The following TSR1 variants were observed in gnomAD, a reference collection of about 807,000 sequenced individuals.
TSR1 encodes TSR1 ribosome maturation factor.
In TSR1, 81 loss-of-function variants were observed where a neutral mutation model predicts 90.9. The observed-to-expected ratio is 0.89, with a 90% CI of 0.74 to 1.07. TSR1 has a LOEUF of 1.07. TSR1 is among the 50% of genes least tolerant of loss of function. The probability of loss-of-function intolerance (pLI) is 0.00; values close to 1 mark genes in which losing one functional copy is unlikely to be tolerated. For synonymous variants in TSR1, 362 were observed against 348.8 expected, an observed-to-expected ratio of 1.04 and a Z score of -0.42; for missense variants, 989 against 987.3, an observed-to-expected ratio of 1.00 and a Z score of -0.02.
rs558792171 is a variant in TSR1, at chr17:2,324,085, G to T, written c.*111C>A. On this transcript the variant is annotated 3_prime_UTR_variant, in exon 15 of 15. Transcript: ENST00000301364. ...CTAAAAAAAAGTCTTGCAAAATGGG[G>T]CAGTGGACTGACAGGCTGACATAGA... 5.1e-5 allele frequency: 71 copies of T among 1,400,482 alleles called. No homozygotes were observed. The African/African-American group carries it at 9.2e-4, about 18-fold the overall frequency. 86.8% of individuals were successfully genotyped at this position (1,400,482 alleles called of 1,614,324 possible). A position where few individuals can be genotyped will look rare whatever the true frequency, so the allele number is the denominator to read the frequency against.
At position 2,323,309 on chromosome 17, in the gene TSR1, GGAT is replaced by G. The variant is rs769313154; in HGVS notation, c.*884_*886del. The G allele has an allele frequency of 2.5e-6, 4 of 1,614,032 alleles. No individual in the cohort carries two copies. The highest frequency in any genetic ancestry group is 3.4e-6 in the Non-Finnish European group (4 of 1,179,928). Reference sequence around the variant, plus strand: ...CCTGGCCTATTATCAGGGACCTTGTGGATGATATCTTCACTGTCACAGAGGATG... The same window carrying G: ...CCTGGCCTATTATCAGGGACCTTGTGGATATCTTCACTGTCACAGAGGATG... On this transcript the variant is annotated 3_prime_UTR_variant, in exon 15 of 15. Transcript: ENST00000301364.
Position 2,335,512 on chromosome 17 carries a change from T to C in TSR1, c.420A>G (p.Pro140=), listed in dbSNP as rs780304655. The C allele has an allele frequency of 6.2e-7, 1 of 1,613,736 alleles. No individual in the cohort carries two copies. The highest frequency in any genetic ancestry group is 8.5e-7 in the Non-Finnish European group (1 of 1,179,934). ...CAAAATATTGGTGTATACTCTAACC[T>C]GGCCTTGCTGAGGTGAAAAACCACC... is the stretch of plus-strand genomic sequence containing the variant. ...KHRWFFTSAR[P]GDLHVVLDMA... is the part of the protein sequence containing the mutation. The change falls in exon 3 of 15, where the codon CCA becomes CCG. Residue 140 remains proline, a splice_region_variant and synonymous_variant. Transcript: ENST00000301364.
chr17:2,332,128 A>T, intron 8 of TSR1, 41 bp downstream of exon 8: 3 of 1,591,528 alleles, frequency 1.9e-6, no homozygotes, highest in Non-Finnish European at 1.7e-6. Flanking sequence ...TTAAAAACGT[A>T]TTGACTGAAT....
At chr17:2,328,049 C>T (rs529267255) in intron 11 of TSR1, among the ~76,000 whole-genome samples, 1 of 151,200 alleles carries the variant, frequency 6.6e-6, no homozygotes, top group African/African-American at 2.4e-5. Context: ...TCGAGACCAG[C>T]CTGGCCAGCA....
rs1306068222 is a variant in TSR1, at chr17:2,323,759, A to G, written c.*437T>C. 1 of 1,614,208 alleles carries G rather than the reference A, an allele frequency of 6.2e-7. No homozygotes were observed. The highest frequency in any genetic ancestry group is 8.5e-7 in the Non-Finnish European group (1 of 1,180,040). On this transcript the variant is annotated 3_prime_UTR_variant, in exon 15 of 15. Transcript: ENST00000301364. Reference sequence around the variant, plus strand: ...CTCAACATTTTCAAACTGTTTCCCCAGAAGTAAAGAACATTTGTATTGTGC... The same window carrying G: ...CTCAACATTTTCAAACTGTTTCCCCGGAAGTAAAGAACATTTGTATTGTGC...
rs1166058321 is a variant in TSR1 at position 2,335,700 on chromosome 17, T to C, written c.232A>G (p.Lys78Glu). ...VLAEKRQLGG[K>E]DGPPHQVLVV... ...AGTACCTGATGAGGAGGGCCATCCT[T>C]GCCACCCAGCTGTCTCTTCTCTGCC... The change falls in exon 3 of 15, where the codon AAG (lysine) becomes GAG (glutamate). Residue 78 changes from lysine (K) to glutamate (E), a missense_variant. Lys to Glu is a moderately conservative substitution (Grantham distance 56). Transcript: ENST00000301364. 1 of 1,613,580 alleles carries C rather than the reference T, an allele frequency of 6.2e-7. No homozygotes were observed. Among genetic ancestry groups the C allele is most frequent in the African/African-American group, 1.3e-5 (1 of 74,920 alleles).
At chr17:2,329,047 T>C (rs1406676797) in intron 11 of TSR1, 1 of 577,350 alleles carries the variant, frequency 1.7e-6, no homozygotes, top group East Asian at 3.9e-5. Flanking sequence ...ACTGCACCAC[T>C]GCACCCACCC....
At chr17:2,335,176 G>C in intron 4 of TSR1, 84 bp downstream of exon 4, 7 of 1,409,254 alleles carry the variant, frequency 5.0e-6, no homozygotes, top group Non-Finnish European at 6.8e-6. Context: ...AGCTGAATAT[G>C]ATCCATCAGT....
At chr17:2,326,252 G>T (rs1307839182) in intron 11 of TSR1, among the ~76,000 whole-genome samples, 1 of 152,122 alleles carries the variant, frequency 6.6e-6, no homozygotes, top group Non-Finnish European at 1.5e-5. Flanking sequence ...CAATTGGTGA[G>T]AATAAAAATT....
At chr17:2,333,411 T>C (rs1475742069) in intron 6 of TSR1, 146 bp downstream of exon 6, 2 of 1,018,138 alleles carry the variant, frequency 2.0e-6, no homozygotes, top group Non-Finnish European at 1.5e-6. Flanking sequence ...GTTTGTTTAT[T>C]GAAAACATAC....
At chr17:2,333,755 A>C in intron 5 of TSR1, 39 bp from the exon 6 acceptor site, 1 of 1,612,068 alleles carries the variant, frequency 6.2e-7, no homozygotes, top group Non-Finnish European at 8.5e-7. Context: ...CCATGAACCA[A>C]AAATCTCCTA....
rs773217151 is a variant in TSR1 at position 2,331,075 on chromosome 17, T to G, written c.1531A>C (p.Thr511Pro). Reference sequence around the variant, plus strand: ...TTTTCCTTAGGATCCCATGGAGATGTCCGGAAGCTCTTAAGGCCTCTGTAT... The same window carrying G: ...TTTTCCTTAGGATCCCATGGAGATGGCCGGAAGCTCTTAAGGCCTCTGTAT... The part of the protein sequence containing the change: ...QKYRGLKSFR[T>P]SPWDPKENLP... The change falls in exon 9 of 15, where the codon ACA (threonine) becomes CCA (proline). Residue 511 changes from threonine (T) to proline (P), a missense_variant. Transcript: ENST00000301364. The G allele has an allele frequency of 2.5e-6, 4 of 1,598,638 alleles. No homozygotes were observed.
intron 10 of TSR1, 85 bp downstream of exon 10, chr17:2,330,428 TTA>T (rs778961679): frequency 8.1e-6 from 10 of 1,237,542 alleles, no homozygotes; most frequent in Non-Finnish European, 1.1e-5. Flanking sequence ...GAGCAAAATT[TTA>T]GTCACACATA....
intron 14 of TSR1, 24 bp downstream of exon 14, chr17:2,324,480 G>T (rs766329177): frequency 5.6e-6 from 9 of 1,613,936 alleles, no homozygotes; most frequent in Non-Finnish European, 7.6e-6. Flanking sequence ...TGCAGACATG[G>T]TCTCAAATCC....
Position 2,322,912 on chromosome 17 carries a change from C to G in TSR1, c.*1284G>C. ...CTTGAGTAGCTGGGATTACAGGGGT[C>G]TGCCACCACGCCTGGCTGATTTTCC... is the stretch of plus-strand genomic sequence containing the variant. On this transcript the variant is annotated 3_prime_UTR_variant, in exon 15 of 15. Transcript: ENST00000301364. 2.0e-6 allele frequency: 1 copy of G among 495,012 alleles called. No homozygotes were observed. The highest frequency in any genetic ancestry group is 2.1e-5 in the South Asian group (1 of 48,202). The allele number at this position is 495,012 out of a possible 1,614,324, so 30.7% of individuals were successfully genotyped here.
At chr17:2,330,464 G>T (rs1260355895) in intron 10 of TSR1, 51 bp downstream of exon 10, 8 of 1,531,024 alleles carry the variant, frequency 5.2e-6, no homozygotes, top group Non-Finnish European at 7.2e-6. Flanking sequence ...ACTGTCAGAA[G>T]CAGCTGGAAA....
In TSR1 at chr17:2,330,300, C is replaced by G. The variant is rs758678068; in HGVS notation, c.1770+215G>C. On this transcript the variant is annotated intron_variant, in intron 10 of 14. Transcript: ENST00000301364. Reference sequence around the variant, plus strand: ...TACTTGGAGAAGTCTCAGAACCACACAGAGATTGCATCACTGAGATGCTTC... The same window carrying G: ...TACTTGGAGAAGTCTCAGAACCACAGAGAGATTGCATCACTGAGATGCTTC... 68 of 684,516 alleles carry G rather than the reference C, an allele frequency of 9.9e-5. No homozygotes were observed. The Admixed American group carries it at 1.2e-3, about 12-fold the overall frequency. 42.4% of individuals were successfully genotyped at this position (684,516 alleles called of 1,614,324 possible). A position where few individuals can be genotyped will look rare whatever the true frequency, so the allele number is the denominator to read the frequency against.
intron 3 of TSR1, 28 bp downstream of exon 3, chr17:2,335,483 A>G: frequency 6.2e-7 from 1 of 1,605,440 alleles, no homozygotes. Context: ...ACTCAAACAT[A>G]ATACAAAATA....
intron 11 of TSR1, among the ~76,000 whole-genome samples, chr17:2,327,120 T>C (rs2075580324): frequency 7.0e-6 from 1 of 142,380 alleles, no homozygotes. Context: ...AAAAAAAAAT[T>C]TTTTTTTCGT....
Sources: allele counts gnomAD v4.1 joint callset (sites outside exome capture counted in the v4.1 genomes callset), GRCh38; gene constraint gnomAD v4.1.1; transcripts MANE v1.5; gene names NCBI Gene and HGNC (gene_info 2026-07-23, HGNC 2026-07-21).